UTS2: variants seen among roughly 807,000 people sequenced by gnomAD.
The protein encoded by UTS2 is urotensin 2.
In UTS2, 10 loss-of-function variants were observed where a neutral mutation model predicts 12.6. That is an observed-to-expected ratio of 0.80 (90% CI 0.49 to 1.35). UTS2 has a LOEUF of 1.35. Ranked by LOEUF, UTS2 falls within the 40% of genes most tolerant of loss-of-function variation. UTS2 has a pLI of 0.00. For synonymous variants in UTS2, 52 were observed against 50.0 expected, an observed-to-expected ratio of 1.04 and a Z score of -0.17; for missense variants, 142 against 143.2, an observed-to-expected ratio of 0.99 and a Z score of 0.04.
the UTS2 span, among the ~76,000 whole-genome samples, chr1:7,871,340 G>GCT: frequency 6.6e-6 from 1 of 151,798 alleles, no homozygotes; most frequent in East Asian, 1.9e-4. Flanking sequence ...AACACAACGT[G>GCT]CTCTCTCTAT....
At chr1:7,872,327 AAAAAAAAAGAAAAAG>A in the UTS2 span, among the ~76,000 whole-genome samples, 2,538 of 142,554 alleles carry the variant, frequency 0.018, 68 homozygotes, top group African/African-American at 0.05. Flanking sequence ...AAAGGAAAAG[AAAAAAAAAGAAAAAG>A]AAAAAAAAGA....
At chr1:7,853,586 C>G, upstream of UTS2, 1 of 1,060,606 alleles carries the variant, frequency 9.4e-7, no homozygotes, top group Non-Finnish European at 1.4e-6. Flanking sequence ...GCTCCAGGCT[C>G]AAGACAATTC....
the UTS2 span, among the ~76,000 whole-genome samples, chr1:7,913,019 G>A: frequency 1.3e-5 from 2 of 149,758 alleles, no homozygotes; most frequent in African/African-American, 4.9e-5. Context: ...TTTTATAGAG[G>A]GCAAGTTCCT....
chr1:7,848,712 G>A (rs935524078), intron 3 of UTS2, among the ~76,000 whole-genome samples: 1 of 152,062 alleles, frequency 6.6e-6, no homozygotes, highest in Non-Finnish European at 1.5e-5. Context: ...TAGAGACGGG[G>A]TTTCGCTGTG....
chr1:7,893,491 CTAAA>C, the UTS2 span, among the ~76,000 whole-genome samples: 94,409 of 150,236 alleles, frequency 0.63, 30,308 homozygotes, highest in African/African-American at 0.75. Context: ...GACCCTGTCT[CTAAA>C]TAAATAAATA....
intron 1 of UTS2, among the ~76,000 whole-genome samples, chr1:7,852,166 T>A (rs1455397416): frequency 2.0e-5 from 3 of 152,086 alleles, no homozygotes; most frequent in African/African-American, 7.2e-5. Context: ...TTTTTCTTTA[T>A]TTAAAAAAAG....
chr1:7,901,622 G>GTGTC, the UTS2 span, among the ~76,000 whole-genome samples: 1 of 126,616 alleles, frequency 7.9e-6, no homozygotes, highest in African/African-American at 3.0e-5. Flanking sequence ...GTGTGTGTGT[G>GTGTC]TGTGTGTGTA....
the UTS2 span, among the ~76,000 whole-genome samples, chr1:7,874,239 A>C: frequency 2.6e-4 from 39 of 152,284 alleles, no homozygotes; most frequent in African/African-American, 8.7e-4. Context: ...GGCCCTAGCC[A>C]CAGAGAGCCC....
the UTS2 span, among the ~76,000 whole-genome samples, chr1:7,874,107 G>A: frequency 6.6e-6 from 1 of 152,146 alleles, no homozygotes; most frequent in African/African-American, 2.4e-5. Context: ...AACATGCAAA[G>A]AGAATGATGT....
chr1:7,892,301 G>A, the UTS2 span, among the ~76,000 whole-genome samples: 2 of 152,044 alleles, frequency 1.3e-5, no homozygotes, highest in African/African-American at 2.4e-5. Flanking sequence ...GGTCACCTGG[G>A]CTTCCTTCCC....
chr1:7,852,161 C>A (rs370627799), intron 1 of UTS2, among the ~76,000 whole-genome samples: 2 of 149,978 alleles, frequency 1.3e-5, no homozygotes, highest in African/African-American at 2.4e-5. Flanking sequence ...TGTTTTTTTT[C>A]TTTATTTAAA....
At chr1:7,863,124 TATTTG>T in the UTS2 span, among the ~76,000 whole-genome samples, 1 of 150,334 alleles carries the variant, frequency 6.7e-6, no homozygotes, top group Non-Finnish European at 1.5e-5. Context: ...TATTGTATTG[TATTTG>T]AGACGAAGTT....
At chr1:7,870,016 G>A in the UTS2 span, among the ~76,000 whole-genome samples, 2 of 152,182 alleles carry the variant, frequency 1.3e-5, no homozygotes, top group Non-Finnish European at 2.9e-5. Context: ...AATGGGTGCC[G>A]AGCTGAACTG....
the UTS2 span, among the ~76,000 whole-genome samples, chr1:7,909,908 C>T: frequency 2.0e-5 from 3 of 152,132 alleles, no homozygotes; most frequent in African/African-American, 7.2e-5. Context: ...GCCACCGCGC[C>T]CAGCCTTAAA....
the UTS2 span, among the ~76,000 whole-genome samples, chr1:7,900,876 TAGG>T: frequency 6.6e-6 from 1 of 152,154 alleles, no homozygotes; most frequent in African/African-American, 2.4e-5. Flanking sequence ...ACAGAATACC[TAGG>T]AGAAGATAAA....
chr1:7,866,070 G>A, the UTS2 span, among the ~76,000 whole-genome samples: 23,572 of 152,248 alleles, frequency 0.15, 2,010 homozygotes, highest in Middle Eastern at 0.27. This position sits in a 1 kb window ranked among gnomAD's most constrained non-coding sequence, Gnocchi z 4.5. Context: ...CACAGGCACC[G>A]TGGAAAGGGC....
At chr1:7,910,797 G>A in the UTS2 span, among the ~76,000 whole-genome samples, 7 of 152,052 alleles carry the variant, frequency 4.6e-5, no homozygotes. Flanking sequence ...CACAATCATG[G>A]TTCACTCAAC....
chr1:7,911,044 A>G, the UTS2 span, among the ~76,000 whole-genome samples: 1 of 151,978 alleles, frequency 6.6e-6, no homozygotes, highest in Non-Finnish European at 1.5e-5. Flanking sequence ...AATGCCTTAC[A>G]TCAAAGGGAA....
At chr1:7,854,470 C>G (rs1638261026), upstream of UTS2, among the ~76,000 whole-genome samples, 1 of 150,170 alleles carries the variant, frequency 6.7e-6, no homozygotes, top group African/African-American at 2.5e-5. Flanking sequence ...CAAGATCGTC[C>G]CACTGCACTC....
Sources: allele counts gnomAD v4.1 joint callset (sites outside exome capture counted in the v4.1 genomes callset), GRCh38; gene constraint gnomAD v4.1.1; non-coding constraint Gnocchi (gnomAD v3.1); transcripts MANE v1.5; gene names NCBI Gene and HGNC (gene_info 2026-07-23, HGNC 2026-07-21).